The following ACSL6 variants were observed in gnomAD, a reference collection of about 807,000 sequenced individuals.
ACSL6 encodes the protein long-chain-fatty-acid--CoA ligase 6.
In ACSL6, 47 loss-of-function variants were observed where a neutral mutation model predicts 98.2. That is an observed-to-expected ratio of 0.48 (90% CI 0.38 to 0.61). The LOEUF is 0.61. ACSL6 is among the 20% of genes least tolerant of loss of function. The pLI is 0.00. For synonymous variants in ACSL6, 362 were observed against 336.9 expected (o/e 1.07, Z -0.82); for missense variants, 761 against 913.4 (o/e 0.83, Z 2.15).
chr5:131,964,958 A>T (rs945959264), intron 17 of ACSL6, among the ~76,000 whole-genome samples: 1 of 152,082 alleles, frequency 6.6e-6, no homozygotes, highest in Non-Finnish European at 1.5e-5. Flanking sequence ...GTGTGCCCCC[A>T]GTGTGCCCCC....
At chr5:131,999,523 T>C (rs1443639704) in intron 1 of ACSL6, 1 of 152,220 alleles carries the variant, frequency 6.6e-6, no homozygotes, top group African/African-American at 2.4e-5. Context: ...CACATCTTGA[T>C]CAAAGCACAA....
chr5:131,990,024 C>T (rs2126898578), intron 4 of ACSL6, 76 bp downstream of exon 4: 2 of 1,488,848 alleles, frequency 1.3e-6, no homozygotes, highest in African/African-American at 1.4e-5. Context: ...CAGCAGGTGC[C>T]CACATCCCTC....
intron 1 of ACSL6, among the ~76,000 whole-genome samples, chr5:132,000,958 G>A (rs1755055768): frequency 6.6e-6 from 1 of 152,126 alleles, no homozygotes. Context: ...GGTGAGCCAT[G>A]AGAAGAGCGT....
At chr5:131,990,798 C>T in intron 3 of ACSL6, 55 bp downstream of exon 3, 1 of 1,542,006 alleles carries the variant, frequency 6.5e-7, no homozygotes, top group South Asian at 1.1e-5. Flanking sequence ...ACCCTTGCAC[C>T]CACTCCACCC....
At chr5:132,000,658 T>G (rs1267490883) in intron 1 of ACSL6, among the ~76,000 whole-genome samples, 1 of 152,112 alleles carries the variant, frequency 6.6e-6, no homozygotes, top group Non-Finnish European at 1.5e-5. Context: ...TGGTGGCACC[T>G]GCTAATAAGT....
chr5:131,975,201 C>T, intron 10 of ACSL6: 1 of 1,393,248 alleles, frequency 7.2e-7, no homozygotes. Context: ...AGAGACAGGG[C>T]AGCATAGGAA....
intron 9 of ACSL6, chr5:131,984,256 C>T (rs1467302805): frequency 6.6e-6 from 1 of 152,238 alleles, no homozygotes; most frequent in Non-Finnish European, 1.5e-5. Flanking sequence ...GCATGTTTAT[C>T]ATGATCCACT....
intron 1 of ACSL6, among the ~76,000 whole-genome samples, chr5:131,996,983 A>G (rs1754825484): frequency 6.6e-6 from 1 of 152,214 alleles, no homozygotes; most frequent in African/African-American, 2.4e-5. Context: ...TAAACATACA[A>G]AGGCTGGAGT....
At chr5:131,975,363 G>A (rs1272567206) in intron 10 of ACSL6, 3 of 985,350 alleles carry the variant, frequency 3.0e-6, no homozygotes, top group Non-Finnish European at 3.6e-6. Flanking sequence ...GCTCTAGCCC[G>A]GCTCTCTCCC....
In ACSL6 at chr5:131,951,747, G is replaced by C. The variant is rs1221871279; in HGVS notation, c.*2487C>G. The C allele has an allele frequency of 1.2e-5, 2 of 163,016 alleles. No individual in the cohort carries two copies. The highest frequency in any genetic ancestry group is 2.7e-5 in the Non-Finnish European group (2 of 74,514). 10.1% of individuals were successfully genotyped at this position (163,016 alleles called of 1,614,324 possible). A position where few individuals can be genotyped will look rare whatever the true frequency, so the allele number is the denominator to read the frequency against. ...ACTACAGGCGCCCGCCACAACGCCC[G>C]GCTAATTTTTTGTATTTTTTTAGTA... On this transcript the variant is annotated 3_prime_UTR_variant, in exon 21 of 21. Transcript: ENST00000651883.
In ACSL6 at chr5:131,960,589, A is replaced by G. The variant is rs750597371; in HGVS notation, c.1890T>C (p.Pro630=). 1 of 1,614,160 alleles carries G rather than the reference A, an allele frequency of 6.2e-7. No homozygotes were observed. Among genetic ancestry groups the G allele is most frequent in the South Asian group, 1.1e-5 (1 of 91,064 alleles). Residue 630 remains proline (P), a synonymous_variant, in exon 19 of 21, where the codon CCT becomes CCC. Transcript: ENST00000651883. ...TCTGGGCCCAGGAGGGCATAACTTC[A>G]GGGTCAGGCACAACAATGCCTACCA... The part of the protein sequence containing the change: ...AFLVGIVVPD[P]EVMPSWAQKR...
chr5:131,971,537 A>C lies in ACSL6; in HGVS notation c.1434+13T>G. 1 of 1,591,972 alleles carries C rather than the reference A, an allele frequency of 6.3e-7. No homozygotes were observed. Among genetic ancestry groups the C allele is most frequent in the Non-Finnish European group, 8.6e-7 (1 of 1,167,756 alleles). ...TCCTGCTGTTTCCAAGGGAGGACAC[A>C]CAATGACAATACCTGGCACCCTAGA... On this transcript the variant is annotated intron_variant, in intron 14 of 20. Transcript: ENST00000651883.
intron 9 of ACSL6, chr5:131,984,189 G>T (rs1266315116): frequency 6.6e-6 from 1 of 152,248 alleles, no homozygotes; most frequent in Non-Finnish European, 1.5e-5. Flanking sequence ...GTAGAATATG[G>T]TGGAAATCCT....
Position 131,990,091 on chromosome 5 carries a change from A to G in ACSL6, c.450+9T>C, listed in dbSNP as rs1306160711. On this transcript the variant is annotated intron_variant, in intron 4 of 20. Coordinates refer to ENST00000651883, the MANE Select transcript of ACSL6 (RefSeq NM_001009185.3). ...GTGGCCAGGGTGGGGCCTGTCCTGT[A>G]TCACTCACCTCCTGGTAGGACAGCC... is the stretch of plus-strand genomic sequence containing the variant. 6.2e-7 allele frequency: 1 copy of G among 1,613,416 alleles called. No individual in the cohort carries two copies. Among genetic ancestry groups the G allele is most frequent in the Admixed American group, 1.7e-5 (1 of 60,000 alleles).
At chr5:131,990,194 G>T (rs1438000612) in intron 3 of ACSL6, 30 bp from the exon 4 acceptor site, 3 of 1,612,150 alleles carry the variant, frequency 1.9e-6, no homozygotes, top group South Asian at 2.2e-5. Flanking sequence ...CCTTGTGTCA[G>T]AGAGGGGTCA....
chr5:131,976,814 C>T, intron 9 of ACSL6, 93 bp from the exon 10 acceptor site: 1 of 1,019,608 alleles, frequency 9.8e-7, no homozygotes, highest in Non-Finnish European at 1.5e-6. Context: ...GACACCCATG[C>T]TGTCTACCCA....
At position 131,980,327 on chromosome 5, in the gene ACSL6, G is replaced by T. The variant is rs553615809; in HGVS notation, c.917-3606C>A. 1.5e-4 allele frequency among the ~76,000 whole-genome samples: 23 copies of T among 152,178 alleles called. No individual in the cohort carries two copies. The South Asian group carries it at 4.8e-3, about 32-fold the overall frequency. On this transcript the variant is annotated intron_variant, in intron 9 of 20. Transcript: ENST00000651883. Reference sequence around the variant, plus strand: ...CAATTTTTAAAAAATCAGACTTGAGGGCTAGTAAGAATAGAAATAATAACT... The same window carrying T: ...CAATTTTTAAAAAATCAGACTTGAGTGCTAGTAAGAATAGAAATAATAACT...
rs1205729977 is a variant in ACSL6, at chr5:131,960,598, C to T, written c.1881G>A (p.Val627=). The T allele has an allele frequency of 5.0e-6, 8 of 1,613,962 alleles. No individual in the cohort carries two copies. Among genetic ancestry groups the T allele is most frequent in the African/African-American group, 1.3e-5 (1 of 74,914 alleles). The stretch of plus-strand genomic sequence containing the variant: ...AGGAGGGCATAACTTCAGGGTCAGG[C>T]ACAACAATGCCTACCAAAAAGGCCT... ...SLKAFLVGIV[V]PDPEVMPSWA... Residue 627 remains valine, a synonymous_variant, in exon 19 of 21, where the codon GTG becomes GTA. Coordinates refer to ENST00000651883, the MANE Select transcript of ACSL6 (RefSeq NM_001009185.3).
chr5:131,990,338 C>T (rs934558948), intron 3 of ACSL6, among the ~76,000 whole-genome samples, 174 bp from the exon 4 acceptor site: 4 of 152,146 alleles, frequency 2.6e-5, no homozygotes, highest in Non-Finnish European at 5.9e-5. Context: ...CCCAAGAGGG[C>T]CTAAAGCACA....
Sources: allele counts gnomAD v4.1 joint callset (sites outside exome capture counted in the v4.1 genomes callset), GRCh38; gene constraint gnomAD v4.1.1; transcripts MANE v1.5; gene names NCBI Gene and HGNC (gene_info 2026-07-23, HGNC 2026-07-21).